The following TMEM17 variants were observed in gnomAD, a reference collection of about 807,000 sequenced individuals.
TMEM17 encodes the protein transmembrane protein 17.
TMEM17 carries 15 observed loss-of-function variants against 19.1 expected under a neutral mutation model. The ratio of observed to expected loss-of-function variants is 0.78; its 90% CI spans 0.52 to 1.21. The LOEUF (loss-of-function observed/expected upper bound fraction) is 1.21. Ranked by LOEUF, TMEM17 falls within the 50% of genes most tolerant of loss-of-function variation. The probability of loss-of-function intolerance (pLI) is 0.00; values close to 1 mark genes in which losing one functional copy is unlikely to be tolerated. For missense variants in TMEM17, 245 were observed against 242.3 expected (o/e 1.01, Z -0.07); for synonymous variants, 103 against 86.9 (o/e 1.19, Z -1.03).
chr2:62,480,351 C>T, the TMEM17 span, among the ~76,000 whole-genome samples: 5 of 151,776 alleles, frequency 3.3e-5, no homozygotes. Context: ...GAAATATTTT[C>T]TCCCATTCTT....
the TMEM17 span, among the ~76,000 whole-genome samples, chr2:62,488,359 A>C: frequency 6.6e-6 from 1 of 152,208 alleles, no homozygotes; most frequent in African/African-American, 2.4e-5. Context: ...TGTCATAGAA[A>C]GATGCTGAAT....
At chr2:62,505,742 A>C (rs993097550) in intron 1 of TMEM17, among the ~76,000 whole-genome samples, 1 of 152,054 alleles carries the variant, frequency 6.6e-6, no homozygotes, top group Non-Finnish European at 1.5e-5. Context: ...CTCCGGGACA[A>C]TGATGGGCCT....
At chr2:62,473,721 G>T in the TMEM17 span, among the ~76,000 whole-genome samples, 1 of 152,226 alleles carries the variant, frequency 6.6e-6, no homozygotes, top group Non-Finnish European at 1.5e-5. Flanking sequence ...GGAATACCAG[G>T]ACTGGGGCTG....
At chr2:62,455,183 G>A in the TMEM17 span, among the ~76,000 whole-genome samples, 1 of 152,150 alleles carries the variant, frequency 6.6e-6, no homozygotes, top group South Asian at 2.1e-4. Context: ...CTGTCTCTAT[G>A]GATTTGCCTC....
At chr2:62,493,438 C>A in the TMEM17 span, among the ~76,000 whole-genome samples, 7 of 152,152 alleles carry the variant, frequency 4.6e-5, no homozygotes, top group African/African-American at 1.7e-4. Flanking sequence ...GTTGAGGAGA[C>A]ATTACTACAA....
the TMEM17 span, among the ~76,000 whole-genome samples, chr2:62,477,392 G>T: frequency 1.6e-5 from 1 of 60,662 alleles, no homozygotes; most frequent in Non-Finnish European, 3.1e-5. Flanking sequence ...GCGAGACTCC[G>T]TCTCAAAACA....
At chr2:62,494,528 AG>A in the TMEM17 span, among the ~76,000 whole-genome samples, 1 of 152,256 alleles carries the variant, frequency 6.6e-6, no homozygotes, top group East Asian at 1.9e-4. Flanking sequence ...TTTCTCTTTT[AG>A]GCTATAATAT....
At chr2:62,483,341 G>C in the TMEM17 span, among the ~76,000 whole-genome samples, 1 of 152,170 alleles carries the variant, frequency 6.6e-6, no homozygotes, top group South Asian at 2.1e-4. Flanking sequence ...AGCAAAAGTC[G>C]CTAGATTTTG....
chr2:62,460,687 C>T, the TMEM17 span, among the ~76,000 whole-genome samples: 2 of 152,042 alleles, frequency 1.3e-5, no homozygotes, highest in Non-Finnish European at 2.9e-5. Context: ...GCATTTTTTC[C>T]CAGTCATTAT....
At chr2:62,454,912 GC>G in the TMEM17 span, among the ~76,000 whole-genome samples, 137 of 152,234 alleles carry the variant, frequency 9.0e-4, 1 homozygote, top group Admixed American at 5.2e-3. Flanking sequence ...CACTGTGTTA[GC>G]CCAGGATGGT....
the TMEM17 span, among the ~76,000 whole-genome samples, chr2:62,465,494 C>A: frequency 6.6e-6 from 1 of 151,952 alleles, no homozygotes; most frequent in East Asian, 1.9e-4. Context: ...ACTCAGCAAC[C>A]GGGTACAGTA....
chr2:62,471,777 G>A, the TMEM17 span, among the ~76,000 whole-genome samples: 3 of 152,254 alleles, frequency 2.0e-5, no homozygotes, highest in African/African-American at 4.8e-5. Context: ...TAGAAACATG[G>A]CATGGATAAT....
At chr2:62,457,109 C>T in the TMEM17 span, among the ~76,000 whole-genome samples, 21 of 152,216 alleles carry the variant, frequency 1.4e-4, no homozygotes, top group Non-Finnish European at 2.4e-4. The surrounding 1 kb of genome is among the most constrained non-coding windows in gnomAD (Gnocchi z 4.2). Flanking sequence ...ATCTCTCGCG[C>T]GGCCAGCAGG....
At chr2:62,492,355 T>C in the TMEM17 span, among the ~76,000 whole-genome samples, 3 of 152,194 alleles carry the variant, frequency 2.0e-5, no homozygotes, top group South Asian at 2.1e-4. Context: ...GAGAATTGAA[T>C]GAGATATTGA....
the TMEM17 span, among the ~76,000 whole-genome samples, chr2:62,481,313 A>G: frequency 2.0e-3 from 310 of 152,202 alleles, 3 homozygotes; most frequent in Non-Finnish European, 3.0e-3. Context: ...TTACTGAATT[A>G]TTTCATCAGT....
chr2:62,477,338 A>G, the TMEM17 span, among the ~76,000 whole-genome samples: 1 of 152,226 alleles, frequency 6.6e-6, no homozygotes, highest in Non-Finnish European at 1.5e-5. Context: ...CGGAGGTTGC[A>G]GTGAGCTAGG....
the TMEM17 span, among the ~76,000 whole-genome samples, chr2:62,469,315 G>C: frequency 6.6e-6 from 1 of 152,186 alleles, no homozygotes; most frequent in Admixed American, 6.5e-5. Flanking sequence ...TGCAAGGCTG[G>C]GAGGTCACCT....
chr2:62,484,599 G>T, the TMEM17 span, among the ~76,000 whole-genome samples: 9 of 152,134 alleles, frequency 5.9e-5, no homozygotes, highest in East Asian at 1.7e-3. Flanking sequence ...CCATGTTCTG[G>T]TCTTGTTTCT....
chr2:62,464,671 CTG>C, the TMEM17 span, among the ~76,000 whole-genome samples: 19 of 152,204 alleles, frequency 1.2e-4, no homozygotes, highest in Non-Finnish European at 2.2e-4. Context: ...GTACAGCCGG[CTG>C]TGTGGGAGAC....
Sources: gnomAD v4.1 joint callset for allele counts (sites outside exome capture counted in the v4.1 genomes callset) on GRCh38, gnomAD v4.1.1 for gene constraint, Gnocchi (gnomAD v3.1) non-coding constraint, MANE v1.5 for transcripts, NCBI Gene and HGNC (gene_info 2026-07-23, HGNC 2026-07-21) for gene names.